Variants in HS3ST5 observed in about 807,000 individuals in gnomAD.
HS3ST5 encodes the protein heparan sulfate glucosamine 3-O-sulfotransferase 5.
Under a neutral mutation model 25.4 loss-of-function variants are expected in HS3ST5, and 10 were observed. The observed-to-expected ratio is 0.39, with a 90% CI of 0.24 to 0.67. The LOEUF is 0.67. Ranked by LOEUF, HS3ST5 falls within the 30% of genes least tolerant of loss-of-function variation. The pLI, the probability that HS3ST5 is intolerant of heterozygous loss-of-function variation, is 0.44. For missense variants in HS3ST5, 324 were observed against 420.7 expected, an observed-to-expected ratio of 0.77 and a Z score of 2.01; for synonymous variants, 170 against 162.4, an observed-to-expected ratio of 1.05 and a Z score of -0.36.
intron 2 of HS3ST5, among the ~76,000 whole-genome samples, chr6:114,185,800 TG>T (rs1193292822): frequency 2.0e-5 from 3 of 151,348 alleles, no homozygotes; most frequent in African/African-American, 7.3e-5. Context: ...AATGCAGTAG[TG>T]CAATCCCAGC....
intron 3 of HS3ST5, among the ~76,000 whole-genome samples, chr6:114,139,450 C>G (rs1310719907): frequency 6.6e-6 from 1 of 151,674 alleles, no homozygotes; most frequent in Non-Finnish European, 1.5e-5. Flanking sequence ...ATCACTTCAT[C>G]CGGGTAATTC....
chr6:114,266,387 T>C (rs957027768), intron 1 of HS3ST5, among the ~76,000 whole-genome samples: 4 of 152,218 alleles, frequency 2.6e-5, no homozygotes, highest in African/African-American at 9.6e-5. Context: ...GATAAAATTA[T>C]ATAAAGTTAG....
intron 2 of HS3ST5, among the ~76,000 whole-genome samples, chr6:114,228,363 C>A (rs985163479): frequency 6.6e-6 from 1 of 152,130 alleles, no homozygotes; most frequent in Non-Finnish European, 1.5e-5. Context: ...AAGGTTTCTA[C>A]TCTGCCCTTC....
At chr6:114,146,446 C>T (rs529198883) in intron 3 of HS3ST5, among the ~76,000 whole-genome samples, 36 of 152,292 alleles carry the variant, frequency 2.4e-4, no homozygotes, top group African/African-American at 8.4e-4. Flanking sequence ...TTCTCTCTGT[C>T]TCACCTCACA....
intron 3 of HS3ST5, chr6:114,084,340 G>C (rs1774647310): frequency 1.3e-6 from 1 of 759,838 alleles, no homozygotes; most frequent in Admixed American, 1.7e-5. Flanking sequence ...CTGAGTAGCA[G>C]TGAACTCAGG....
rs563132296 is a variant in HS3ST5 at position 114,332,184 on chromosome 6, A to G, written c.-339+10011T>C. 4.5e-4 allele frequency among the ~76,000 whole-genome samples: 69 copies of G among 152,258 alleles called. No individual in the cohort carries two copies. The South Asian group carries it at 0.014, about 31-fold the overall frequency. On this transcript the variant is annotated intron_variant, in intron 1 of 4. Transcript: ENST00000312719. ...TTATTATAATCATATTGACAGATGG[A>G]TGCTTACTTCTAGGCAGTTAGAATA...
chr6:114,289,221 T>G (rs1774466274), intron 1 of HS3ST5, among the ~76,000 whole-genome samples: 1 of 152,006 alleles, frequency 6.6e-6, no homozygotes, highest in Non-Finnish European at 1.5e-5. Flanking sequence ...ATACACCCAC[T>G]AAAGACAATT....
In HS3ST5 at chr6:114,278,023, G is replaced by A. The variant is rs139685773; in HGVS notation, c.-338-49245C>T. Among the ~76,000 whole-genome samples, 6 of 152,016 alleles carry A rather than the reference G, an allele frequency of 3.9e-5. No individual in the cohort carries two copies. In the South Asian group the frequency reaches 6.2e-4, roughly 16 times the overall value. ...CTTACCTTTGATGAAGGCCACCTGC[G>A]ATGGGCTTTGAGGGGGCAGGTTAGT... On this transcript the variant is annotated intron_variant, in intron 1 of 4. Transcript: ENST00000312719.
At chr6:114,146,109 TAC>T (rs1778149431) in intron 3 of HS3ST5, among the ~76,000 whole-genome samples, 1 of 152,250 alleles carries the variant, frequency 6.6e-6, no homozygotes, top group East Asian at 1.9e-4. Context: ...TAAAAAAAAT[TAC>T]AGAGTCCAGT....
At chr6:114,217,049 G>A (rs1781803741) in intron 2 of HS3ST5, among the ~76,000 whole-genome samples, 1 of 152,186 alleles carries the variant, frequency 6.6e-6, no homozygotes, top group South Asian at 2.1e-4. Flanking sequence ...CAATTTGGAT[G>A]AACCGAATCT....
chr6:114,239,039 T>C (rs1771985593), intron 1 of HS3ST5: 1 of 152,196 alleles, frequency 6.6e-6, no homozygotes. Flanking sequence ...ACTCCGTATA[T>C]TGGACATAAA....
intron 2 of HS3ST5, among the ~76,000 whole-genome samples, chr6:114,202,033 A>G (rs1383162774): frequency 6.6e-6 from 1 of 152,156 alleles, no homozygotes; most frequent in African/African-American, 2.4e-5. Context: ...CTACAATTCA[A>G]GATGAGATTT....
At chr6:114,193,035 TTTC>T (rs1254399530) in intron 2 of HS3ST5, among the ~76,000 whole-genome samples, 2 of 152,226 alleles carry the variant, frequency 1.3e-5, no homozygotes, top group East Asian at 3.8e-4. Context: ...GTGGGATTTT[TTTC>T]TTCTTCTTCA....
chr6:114,191,660 C>T (rs376265449), intron 2 of HS3ST5, among the ~76,000 whole-genome samples: 4 of 152,218 alleles, frequency 2.6e-5, no homozygotes, highest in Admixed American at 6.6e-5. Flanking sequence ...TCCATATCAT[C>T]GGTGCCTTGC....
intron 3 of HS3ST5, among the ~76,000 whole-genome samples, chr6:114,146,036 T>C (rs142730888): frequency 6.6e-6 from 1 of 152,146 alleles, no homozygotes; most frequent in Admixed American, 6.5e-5. Flanking sequence ...ACTCTCATAA[T>C]TTTCAATAGA....
intron 1 of HS3ST5, among the ~76,000 whole-genome samples, chr6:114,290,495 G>T (rs1774525895): frequency 6.6e-6 from 1 of 152,046 alleles, no homozygotes; most frequent in Non-Finnish European, 1.5e-5. Context: ...ACTAAAATTG[G>T]AGTACTAACA....
At chr6:114,301,005 G>T (rs1294617405) in intron 1 of HS3ST5, among the ~76,000 whole-genome samples, 1 of 152,154 alleles carries the variant, frequency 6.6e-6, no homozygotes, top group Non-Finnish European at 1.5e-5. Flanking sequence ...ACGTTGGAGT[G>T]GGGGAGTCTG....
rs377688744 is a variant in HS3ST5 at position 114,148,491 on chromosome 6, G to A, written c.-33+19860C>T. On this transcript the variant is annotated intron_variant, in intron 3 of 4. Transcript: ENST00000312719. The stretch of plus-strand genomic sequence containing the variant: ...AAAAAATTAACTGGGTGTGGTGGCG[G>A]ACACCTGTAATCCCAGCTACTCAGG... Among the ~76,000 whole-genome samples the A allele has an allele frequency of 2.0e-5, 3 of 151,974 alleles. No homozygotes were observed. The East Asian group carries it at 5.8e-4, about 29-fold the overall frequency.
At chr6:114,248,215 A>ATATAT (rs1268612222) in intron 1 of HS3ST5, among the ~76,000 whole-genome samples, 1 of 140,274 alleles carries the variant, frequency 7.1e-6, no homozygotes, top group Non-Finnish European at 1.5e-5. Flanking sequence ...AATGAAAAAA[A>ATATAT]AAATATATAT....
Sources: allele counts gnomAD v4.1 joint callset (sites outside exome capture counted in the v4.1 genomes callset), GRCh38; gene constraint gnomAD v4.1.1; transcripts MANE v1.5; gene names NCBI Gene and HGNC (gene_info 2026-07-23, HGNC 2026-07-21).